Variants in PRELID2 observed in about 807,000 individuals in gnomAD.
The protein encoded by PRELID2 is PRELI domain-containing protein 2.
A neutral mutation model predicts 28.4 loss-of-function variants in PRELID2; 25 were observed. The ratio of observed to expected loss-of-function variants is 0.88; its 90% confidence interval spans 0.64 to 1.23. The LOEUF is 1.23. Among genes scored for constraint, PRELID2 ranks in the 50% most tolerant of loss-of-function variants. The pLI is 0.00. For missense variants in PRELID2, 201 were observed against 214.4 expected, an observed-to-expected ratio of 0.94 and a Z score of 0.39; for synonymous variants, 76 against 71.6, an observed-to-expected ratio of 1.06 and a Z score of -0.31.
the PRELID2 span, among the ~76,000 whole-genome samples, chr5:145,321,560 C>A: frequency 6.6e-5 from 10 of 152,184 alleles, no homozygotes; most frequent in African/African-American, 2.4e-4. Context: ...CTGGCAGACG[C>A]CCCTTAAAAA....
intron 5 of PRELID2, 49 bp from the exon 6 acceptor site, chr5:145,765,049 T>G (rs370382129): frequency 1.4e-5 from 18 of 1,266,764 alleles, no homozygotes; most frequent in Non-Finnish European, 2.0e-5. Context: ...CACAGACAAG[T>G]ACTTTTACAT....
chr5:145,335,204 T>C, the PRELID2 span, among the ~76,000 whole-genome samples: 1 of 151,978 alleles, frequency 6.6e-6, no homozygotes, highest in African/African-American at 2.4e-5. Context: ...AAATGACCTA[T>C]TTTTGAGTTA....
intron 1 of PRELID2, among the ~76,000 whole-genome samples, chr5:145,696,017 A>T (rs1270021536): frequency 6.6e-6 from 1 of 152,140 alleles, no homozygotes; most frequent in Non-Finnish European, 1.5e-5. Context: ...GCTTATATGT[A>T]TGTGTGCATA....
the PRELID2 span, among the ~76,000 whole-genome samples, chr5:145,256,128 T>C: frequency 6.9e-3 from 1,046 of 152,002 alleles, 7 homozygotes; most frequent in Admixed American, 0.013. Context: ...TGTTATTTTC[T>C]GCAGGCCATA....
In PRELID2 at chr5:145,552,130, G is replaced by A. The variant is rs528371404; in HGVS notation, n.71-78815C>T. ...ACATAGTGTGCCCTACTTTTCCACA[G>A]AAATAGGACCAGGTTGTCTTTCTTG... is the stretch of plus-strand genomic sequence containing the variant. On this transcript the variant is annotated intron_variant and non_coding_transcript_variant, in intron 1 of 2. Coordinates refer to the PRELID2 transcript ENST00000510259. Among the ~76,000 whole-genome samples, 4 of 152,240 alleles carry A rather than the reference G, an allele frequency of 2.6e-5. No individual in the cohort carries two copies. The East Asian group carries it at 7.7e-4, about 29-fold the overall frequency.
chr5:145,358,562 C>G, the PRELID2 span, among the ~76,000 whole-genome samples: 3 of 151,892 alleles, frequency 2.0e-5, no homozygotes, highest in African/African-American at 2.4e-5. Context: ...CAGTTGCTAG[C>G]CCACTTTAAC....
In PRELID2 at chr5:145,741,593, A is replaced by T. The variant is rs865892259; in HGVS notation, n.70+23338T>A. Among the ~76,000 whole-genome samples the T allele has an allele frequency of 5.1e-4, 5 of 9,766 alleles. 1 individual carries two copies. The highest frequency in any genetic ancestry group is 1.1e-3 in the Non-Finnish European group (5 of 4,652). 6.4% of individuals were successfully genotyped at this position (9,766 alleles called of 152,430 possible). A position where few individuals can be genotyped will look rare whatever the true frequency, so the allele number is the denominator to read the frequency against. ...TTTATTTATAAATAATTTATATATAAAATTTATTTATAATTTATTTATATA... is the reference window on the plus strand; with the variant it reads ...TTTATTTATAAATAATTTATATATATAATTTATTTATAATTTATTTATATA... On this transcript the variant is annotated intron_variant and non_coding_transcript_variant, in intron 1 of 2. Coordinates refer to the PRELID2 transcript ENST00000510259.
At chr5:145,812,115 A>C (rs917656683) in intron 4 of PRELID2, among the ~76,000 whole-genome samples, 1 of 150,716 alleles carries the variant, frequency 6.6e-6, no homozygotes, top group Non-Finnish European at 1.5e-5. Flanking sequence ...AGGTGTTCTA[A>C]GTTGACTCAA....
At chr5:145,341,569 A>T in the PRELID2 span, among the ~76,000 whole-genome samples, 3 of 152,110 alleles carry the variant, frequency 2.0e-5, no homozygotes, top group South Asian at 6.2e-4. Context: ...GAGATTTTTT[A>T]AAACAACCAG....
chr5:145,465,103 C>T, the PRELID2 span, among the ~76,000 whole-genome samples: 1 of 152,118 alleles, frequency 6.6e-6, no homozygotes, highest in Admixed American at 6.6e-5. Context: ...CCTGTTCCCC[C>T]ATAGTACTTT....
chr5:145,583,089 C>T (rs1479158493), intron 1 of PRELID2, among the ~76,000 whole-genome samples: 1 of 152,136 alleles, frequency 6.6e-6, no homozygotes, highest in African/African-American at 2.4e-5. Context: ...AAAGCTTATC[C>T]ACCATGATCA....
intron 1 of PRELID2, among the ~76,000 whole-genome samples, chr5:145,475,180 TGAATGAAG>T: frequency 6.6e-6 from 1 of 152,308 alleles, no homozygotes; most frequent in African/African-American, 2.4e-5. Context: ...ACTTGTTGAA[TGAATGAAG>T]GAATGAATGA....
chr5:145,734,500 A>C (rs150951957), intron 1 of PRELID2, among the ~76,000 whole-genome samples: 42 of 152,332 alleles, frequency 2.8e-4, no homozygotes, highest in Middle Eastern at 3.4e-3. Flanking sequence ...TCCTTGGGAA[A>C]CATATAACTC....
the PRELID2 span, among the ~76,000 whole-genome samples, chr5:145,265,374 G>T: frequency 2.6e-5 from 4 of 152,066 alleles, no homozygotes; most frequent in Non-Finnish European, 5.9e-5. Context: ...AATTAACATT[G>T]TGAAAATGAC....
At chr5:145,297,227 T>C in the PRELID2 span, among the ~76,000 whole-genome samples, 1 of 152,038 alleles carries the variant, frequency 6.6e-6, no homozygotes, top group African/African-American at 2.4e-5. Flanking sequence ...TTGGCTTTTG[T>C]TGCCATTGCT....
chr5:145,612,011 T>C (rs1753623850), intron 1 of PRELID2, among the ~76,000 whole-genome samples: 1 of 152,140 alleles, frequency 6.6e-6, no homozygotes, highest in Admixed American at 6.5e-5. Flanking sequence ...ACACTTTGTA[T>C]CTAAGATGAT....
intron 1 of PRELID2, among the ~76,000 whole-genome samples, chr5:145,586,721 G>A (rs1005269594): frequency 6.6e-6 from 1 of 152,048 alleles, no homozygotes; most frequent in East Asian, 1.9e-4. Context: ...GGTCAGACTC[G>A]CTAGATTTTA....
rs1357294098 is a variant in PRELID2 at position 145,741,539 on chromosome 5, A to G, written n.70+23392T>C. Among the ~76,000 whole-genome samples the G allele has an allele frequency of 3.3e-3, 408 of 122,756 alleles. 6 individuals carry two copies. Among genetic ancestry groups the G allele is most frequent in the African/African-American group, 0.013 (395 of 30,200 alleles). The allele number at this position is 122,756 out of a possible 152,430, so 80.5% of individuals were successfully genotyped here. Reference sequence around the variant, plus strand: ...AATAATTTATTTATATATAAAATTTATTTATAAATAATTTATTTATATATA... The same window carrying G: ...AATAATTTATTTATATATAAAATTTGTTTATAAATAATTTATTTATATATA... On this transcript the variant is annotated intron_variant and non_coding_transcript_variant, in intron 1 of 2. Coordinates refer to the PRELID2 transcript ENST00000510259.
At chr5:145,821,309 GTA>G (rs35086764) in intron 2 of PRELID2, among the ~76,000 whole-genome samples, 2,244 of 149,324 alleles carry the variant, frequency 0.015, 47 homozygotes, top group African/African-American at 0.051. Flanking sequence ...CTGTGTGTGT[GTA>G]TGTGTGTAAG....
Sources: gnomAD v4.1 joint callset for allele counts (sites outside exome capture counted in the v4.1 genomes callset) on GRCh38, gnomAD v4.1.1 for gene constraint, MANE v1.5 for transcripts, NCBI Gene and HGNC (gene_info 2026-07-23, HGNC 2026-07-21) for gene names.